RASGRP3: variants seen among roughly 807,000 people sequenced by gnomAD.
RASGRP3 encodes RAS guanyl releasing protein 3, also known as ras guanyl-releasing protein 3.
Under a neutral mutation model 82.7 loss-of-function variants are expected in RASGRP3, and 54 were observed. That is an observed-to-expected ratio of 0.65 (90% CI 0.52 to 0.82). The LOEUF is 0.82. Among genes scored for constraint, RASGRP3 ranks in the 40% least tolerant of loss-of-function variants. The pLI, the probability that RASGRP3 is intolerant of heterozygous loss-of-function variation, is 0.00. For missense variants in RASGRP3, 861 were observed against 828.9 expected (o/e 1.04, Z -0.48); for synonymous variants, 309 against 300.5 (o/e 1.03, Z -0.29).
intron 12 of RASGRP3, 50 bp downstream of exon 12, chr2:33,539,260 T>G (rs1050224119): frequency 2.2e-6 from 3 of 1,375,950 alleles, no homozygotes; most frequent in Non-Finnish European, 3.0e-6. Context: ...ACCCTTTCTC[T>G]TTCCAGAATG....
chr2:33,556,862 T>C (rs1339682234), intron 15 of RASGRP3, among the ~76,000 whole-genome samples: 2 of 150,410 alleles, frequency 1.3e-5, no homozygotes, highest in African/African-American at 2.5e-5. Context: ...ATTAGTTTTA[T>C]TCTGGTTTCT....
At chr2:33,473,159 G>A (rs538371967), upstream of RASGRP3, among the ~76,000 whole-genome samples, 1 of 152,088 alleles carries the variant, frequency 6.6e-6, no homozygotes, top group South Asian at 2.1e-4. Flanking sequence ...TCAGGAGATG[G>A]AGACCATCCT....
intron 2 of RASGRP3, among the ~76,000 whole-genome samples, chr2:33,451,545 GTTAAGT>G (rs1665800334): frequency 6.6e-6 from 1 of 152,140 alleles, no homozygotes; most frequent in Admixed American, 6.5e-5. Flanking sequence ...GTTTTCAGGT[GTTAAGT>G]TTAAGTTTTT....
At position 33,524,505 on chromosome 2, in the gene RASGRP3, G is replaced by A. The variant is rs1251452351; in HGVS notation, c.764G>A (p.Arg255His). ...GGCCTCAGTCATAGTTCCATTTCACGCCTCAAAGAGACCCATTCTCATCTT... is the reference window on the plus strand; with the variant it reads ...GGCCTCAGTCATAGTTCCATTTCACACCTCAAAGAGACCCATTCTCATCTT... ...VGGLSHSSIS[R>H]LKETHSHLSS... Residue 255 changes from arginine to histidine, a missense_variant, in exon 9 of 18, where the codon CGC becomes CAC. By Grantham distance (29) the Arg-to-His change is conservative (BLOSUM62 0). Transcript: ENST00000403687. 6.9e-6 allele frequency: 11 copies of A among 1,604,306 alleles called. No homozygotes were observed. Among genetic ancestry groups the A allele is most frequent in the African/African-American group, 1.3e-5 (1 of 74,786 alleles).
At chr2:33,546,292 G>C (rs113058337) in intron 13 of RASGRP3, among the ~76,000 whole-genome samples, 1 of 151,768 alleles carries the variant, frequency 6.6e-6, no homozygotes, top group Non-Finnish European at 1.5e-5. Flanking sequence ...GCTTGGTGGC[G>C]GGCCCCTGTA....
chr2:33,454,035 C>G (rs528223232), intron 2 of RASGRP3, among the ~76,000 whole-genome samples: 2 of 151,562 alleles, frequency 1.3e-5, no homozygotes, highest in East Asian at 3.9e-4. Flanking sequence ...TCACAGTCAT[C>G]TTCTTCTTTT....
At position 33,522,762 on chromosome 2, in the gene RASGRP3, C is replaced by T. The variant is rs117800272; in HGVS notation, c.516+660C>T. On this transcript the variant is annotated intron_variant, in intron 7 of 17. Coordinates refer to ENST00000403687, the MANE Select transcript of RASGRP3 (RefSeq NM_001139488.2). ...TTGTCTCGCCAAGCTGTGGGGAAGT[C>T]GCTCCTCCTCCTTTTCCAAGGTGTC... 5.3e-4 allele frequency among the ~76,000 whole-genome samples: 81 copies of T among 152,322 alleles called. No homozygotes were observed. In the East Asian group the frequency reaches 7.3e-3, roughly 14 times the overall value.
intron 2 of RASGRP3, among the ~76,000 whole-genome samples, chr2:33,449,037 A>G (rs1030888686): frequency 6.6e-6 from 1 of 152,244 alleles, no homozygotes. Context: ...TAGAGATTAG[A>G]CATGTTTTTC....
chr2:33,496,607 G>A (rs898216796), intron 1 of RASGRP3, among the ~76,000 whole-genome samples: 1 of 152,202 alleles, frequency 6.6e-6, no homozygotes, highest in South Asian at 2.1e-4. Flanking sequence ...TGTAATCCCA[G>A]CACTTTGGGA....
intron 14 of RASGRP3, among the ~76,000 whole-genome samples, chr2:33,554,375 A>C (rs1265392263): frequency 6.6e-6 from 1 of 152,184 alleles, no homozygotes; most frequent in Non-Finnish European, 1.5e-5. Context: ...TTCTTCTCCA[A>C]CTTGAGCTAA....
At chr2:33,532,968 G>C (rs13408890) in intron 10 of RASGRP3, 1 of 151,974 alleles carries the variant, frequency 6.6e-6, no homozygotes, top group Non-Finnish European at 1.5e-5. Context: ...AAACATCTTC[G>C]CCTCTGAGTT....
chr2:33,489,690 C>A (rs760171474), intron 1 of RASGRP3, among the ~76,000 whole-genome samples: 1 of 152,186 alleles, frequency 6.6e-6, no homozygotes, highest in Non-Finnish European at 1.5e-5. Flanking sequence ...CAGGCACCAC[C>A]ACACCCAACT....
At chr2:33,517,962 C>T (rs959362936) in intron 4 of RASGRP3, among the ~76,000 whole-genome samples, 5 of 152,104 alleles carry the variant, frequency 3.3e-5, no homozygotes, top group Admixed American at 2.6e-4. Flanking sequence ...TACACAAGCT[C>T]AATAAATATT....
At chr2:33,552,341 C>T (rs1214851216) in intron 14 of RASGRP3, among the ~76,000 whole-genome samples, 2 of 152,286 alleles carry the variant, frequency 1.3e-5, no homozygotes, top group South Asian at 2.1e-4. Context: ...ACTTACCCAC[C>T]ATGTTGTTGC....
At chr2:33,500,687 G>A (rs1669785176) in intron 1 of RASGRP3, among the ~76,000 whole-genome samples, 1 of 152,212 alleles carries the variant, frequency 6.6e-6, no homozygotes, top group Non-Finnish European at 1.5e-5. Flanking sequence ...TGTAATCCCA[G>A]CACTTTGGGA....
chr2:33,538,697 C>T (rs1673910179), intron 11 of RASGRP3, among the ~76,000 whole-genome samples: 1 of 152,006 alleles, frequency 6.6e-6, no homozygotes, highest in African/African-American at 2.4e-5. Context: ...AAAACTTATT[C>T]ATTCTTCTCA....
Position 33,559,044 on chromosome 2 carries a change from C to A in RASGRP3, c.2064+14C>A. On this transcript the variant is annotated intron_variant, in intron 17 of 17. Coordinates refer to ENST00000403687, the MANE Select transcript of RASGRP3 (RefSeq NM_001139488.2). Reference sequence around the variant, plus strand: ...CAGGATGGTGAGGTAAGTGCTAGGTCAACCCACAAAGAAAACCAGAAGAAG... The same window carrying A: ...CAGGATGGTGAGGTAAGTGCTAGGTAAACCCACAAAGAAAACCAGAAGAAG... The A allele has an allele frequency of 6.4e-7, 1 of 1,561,648 alleles. No homozygotes were observed.
chr2:33,527,926 A>G (rs1672739644), intron 10 of RASGRP3, among the ~76,000 whole-genome samples: 1 of 152,174 alleles, frequency 6.6e-6, no homozygotes, highest in Non-Finnish European at 1.5e-5. Context: ...CTTCTTTGCC[A>G]TCACCCTATC....
intron 15 of RASGRP3, among the ~76,000 whole-genome samples, chr2:33,557,833 T>G (rs905351405): frequency 4.6e-5 from 7 of 151,924 alleles, no homozygotes; most frequent in Non-Finnish European, 1.0e-4. Flanking sequence ...TGGCATAGGC[T>G]CTCTTTGTGG....
Sources: gnomAD v4.1 joint callset for allele counts (sites outside exome capture counted in the v4.1 genomes callset) on GRCh38, gnomAD v4.1.1 for gene constraint, MANE v1.5 for transcripts, NCBI Gene and HGNC (gene_info 2026-07-23, HGNC 2026-07-21) for gene names.